Variants in TRAPPC11 observed in about 807,000 individuals in gnomAD.
TRAPPC11 encodes the protein trafficking protein particle complex subunit 11, also known as foie gras homolog.
Under a neutral mutation model 151.2 loss-of-function variants are expected in TRAPPC11, and 104 were observed. The observed-to-expected ratio is 0.69, with a 90% CI of 0.59 to 0.81. The LOEUF (loss-of-function observed/expected upper bound fraction) is 0.81, where lower values mean the gene tolerates loss of function less well. Ranked by LOEUF, TRAPPC11 falls within the 30% of genes least tolerant of loss-of-function variation. TRAPPC11 has a pLI of 0.00. For synonymous variants in TRAPPC11, 456 were observed against 472.3 expected, an observed-to-expected ratio of 0.97 and a Z score of 0.45; for missense variants, 1,230 against 1,349.6, an observed-to-expected ratio of 0.91 and a Z score of 1.39.
intron 26 of TRAPPC11, among the ~76,000 whole-genome samples, chr4:183,702,217 A>T: frequency 6.6e-6 from 1 of 152,052 alleles, no homozygotes; most frequent in Non-Finnish European, 1.5e-5. Context: ...GTTGATGCAC[A>T]TCTGCAGTCC....
rs1275308451 is a variant in TRAPPC11 at position 183,707,252 on chromosome 4, T to TTGTGTGTG, written c.3189+313_3189+314insGTGTGTGT. On this transcript the variant is annotated intron_variant, in intron 28 of 29. Coordinates refer to ENST00000334690, the MANE Select transcript of TRAPPC11 (RefSeq NM_021942.6). The stretch of plus-strand genomic sequence containing the variant: ...CCTTATTACTGATGAGTGTGTGTGT[T>TTGTGTGTG]TATGTGTGTGTGTGTGTGTGTGTGT... Among the ~76,000 whole-genome samples, 1,480 of 98,804 alleles carry TTGTGTGTG rather than the reference T, an allele frequency of 0.015. 28 individuals carry two copies. Among genetic ancestry groups the TTGTGTGTG allele is most frequent in the African/African-American group, 0.065 (1,416 of 21,796 alleles). 64.8% of individuals were successfully genotyped at this position (98,804 alleles called of 152,430 possible). A position where few individuals can be genotyped will look rare whatever the true frequency, so the allele number is the denominator to read the frequency against.
At chr4:183,704,180 A>C (rs1216005554) in intron 26 of TRAPPC11, among the ~76,000 whole-genome samples, 2 of 152,232 alleles carry the variant, frequency 1.3e-5, no homozygotes, top group Non-Finnish European at 2.9e-5. Flanking sequence ...AAATACTCAG[A>C]AGTGTGATTT....
chr4:183,661,681 T>G (rs1259466194), intron 1 of TRAPPC11, among the ~76,000 whole-genome samples: 8 of 151,926 alleles, frequency 5.3e-5, no homozygotes, highest in Non-Finnish European at 1.0e-4. Context: ...AGATTACCTT[T>G]TAAAAGAGCC....
chr4:183,693,749 T>A lies in TRAPPC11; in HGVS notation c.2386+12T>A. 6.2e-7 allele frequency: 1 copy of A among 1,612,054 alleles called. No individual in the cohort carries two copies. The highest frequency in any genetic ancestry group is 1.7e-5 in the Admixed American group (1 of 59,604). The stretch of plus-strand genomic sequence containing the variant: ...TGGCTTAAAACCAGGTAAGCATTCC[T>A]TTTTGTAAGTTTGATCAGTATTAAT... On this transcript the variant is annotated intron_variant, in intron 21 of 29. Transcript: ENST00000334690.
intron 25 of TRAPPC11, 52 bp from the exon 26 acceptor site, chr4:183,701,645 C>T: frequency 8.0e-7 from 1 of 1,256,264 alleles, no homozygotes; most frequent in East Asian, 2.3e-5. Flanking sequence ...GTGAAACTCT[C>T]CTTTTGTAGA....
In TRAPPC11 at chr4:183,701,682, G is replaced by C; in HGVS notation, c.2852-15G>C. The C allele has an allele frequency of 6.4e-7, 1 of 1,567,584 alleles. No homozygotes were observed. Among genetic ancestry groups the C allele is most frequent in the Non-Finnish European group, 8.8e-7 (1 of 1,137,730 alleles). ...GAAACCATTGCATAAGGAATATAAA[G>C]ACTTTTCCCTGTAGTTATCTTACAG... On this transcript the variant is annotated splice_polypyrimidine_tract_variant and intron_variant, in intron 25 of 29. Coordinates refer to ENST00000334690, the MANE Select transcript of TRAPPC11 (RefSeq NM_021942.6).
intron 5 of TRAPPC11, among the ~76,000 whole-genome samples, chr4:183,671,620 C>T (rs1016410124): frequency 2.1e-4 from 32 of 152,170 alleles, no homozygotes; most frequent in Non-Finnish European, 4.1e-4. Flanking sequence ...TTACAAAATT[C>T]GGGAACACCC....
intron 23 of TRAPPC11, 118 bp from the exon 24 acceptor site, chr4:183,697,385 A>C: frequency 1.1e-6 from 1 of 920,564 alleles, no homozygotes; most frequent in Non-Finnish European, 1.6e-6. Context: ...AAAGGCCTTT[A>C]CTTCTTAGTA....
In TRAPPC11 at chr4:183,706,797, T is replaced by G; in HGVS notation, c.3056-10T>G. On this transcript the variant is annotated splice_polypyrimidine_tract_variant and intron_variant, in intron 27 of 29. Transcript: ENST00000334690. ...TTAAACCAAGAGAAGTGTGTCATCT[T>G]TCTCTGTAGATCTGCCGTCATTTGG... The G allele has an allele frequency of 6.2e-7, 1 of 1,607,128 alleles. No individual in the cohort carries two copies. The highest frequency in any genetic ancestry group is 8.5e-7 in the Non-Finnish European group (1 of 1,175,610).
At chr4:183,663,266 C>T (rs935827721) in intron 1 of TRAPPC11, among the ~76,000 whole-genome samples, 5 of 152,144 alleles carry the variant, frequency 3.3e-5, no homozygotes, top group Admixed American at 1.3e-4. Context: ...CAGAGTCTCC[C>T]TCTGTCATCC....
chr4:183,684,584 C>T, intron 14 of TRAPPC11, 112 bp from the exon 15 acceptor site: 1 of 1,213,904 alleles, frequency 8.2e-7, no homozygotes, highest in South Asian at 1.5e-5. Flanking sequence ...TCAACCATCT[C>T]AGTAAGATTT....
At chr4:183,698,148 A>G (rs1260796107) in intron 25 of TRAPPC11, among the ~76,000 whole-genome samples, 1 of 152,080 alleles carries the variant, frequency 6.6e-6, no homozygotes, top group Non-Finnish European at 1.5e-5. Flanking sequence ...TTTTCTCATT[A>G]ACTCTTAATG....
chr4:183,688,082 T>C (rs1377863769), intron 18 of TRAPPC11, among the ~76,000 whole-genome samples: 2 of 152,174 alleles, frequency 1.3e-5, no homozygotes, highest in Non-Finnish European at 2.9e-5. Flanking sequence ...CCAACAAGCA[T>C]TTATTGAGAG....
In TRAPPC11 at chr4:183,695,139, G is replaced by A. The variant is rs977932538; in HGVS notation, c.2628+416G>A. On this transcript the variant is annotated intron_variant, in intron 23 of 29. Transcript: ENST00000334690. ...AATTTTTTGTATTTTTAGTAGATAC[G>A]GGGTTTCTCCATGTTGGTCAGGCTG... Among the ~76,000 whole-genome samples the A allele has an allele frequency of 5.3e-5, 8 of 151,738 alleles. No individual in the cohort carries two copies. In the South Asian group the frequency reaches 8.3e-4, roughly 16 times the overall value.
chr4:183,666,784 GAAGT>G (rs1734906324), intron 3 of TRAPPC11: 5 of 431,160 alleles, frequency 1.2e-5, no homozygotes, highest in Non-Finnish European at 2.1e-5. Context: ...TCACCATAAA[GAAGT>G]AAGTTGCATT....
intron 22 of TRAPPC11, 135 bp from the exon 23 acceptor site, chr4:183,694,469 C>T: frequency 3.4e-6 from 3 of 893,452 alleles, no homozygotes; most frequent in Non-Finnish European, 5.2e-6. Flanking sequence ...TACATTGTAA[C>T]ATTCTGTAAA....
Position 183,674,716 on chromosome 4 carries a change from G to A in TRAPPC11, c.564G>A (p.Leu188=), listed in dbSNP as rs377678506. 1 of 1,527,286 alleles carries A rather than the reference G, an allele frequency of 6.5e-7. No individual in the cohort carries two copies. The highest frequency in any genetic ancestry group is 1.3e-5 in the South Asian group (1 of 77,174). The allele number at this position is 1,527,286 out of a possible 1,614,324, so 94.6% of individuals were successfully genotyped here. The change falls in exon 6 of 30, where the codon TTG becomes TTA. Residue 188 remains leucine (L), a synonymous_variant. Coordinates refer to ENST00000334690, the MANE Select transcript of TRAPPC11 (RefSeq NM_021942.6). ...TGTTTGTTTTTGTTTTTTACAGATT[G>A]GAAAATGCCTTTTATGAACATGCAC... ...TDHLVGYIIR[L]ENAFYEHAQT... is the part of the protein sequence containing the mutation.
chr4:183,666,562 C>A, intron 3 of TRAPPC11, 136 bp downstream of exon 3: 1 of 780,464 alleles, frequency 1.3e-6, no homozygotes, highest in South Asian at 2.2e-5. Flanking sequence ...ATCTTGTTCA[C>A]TTCCTCACAG....
At chr4:183,661,994 G>A (rs904871582) in intron 1 of TRAPPC11, among the ~76,000 whole-genome samples, 1 of 151,754 alleles carries the variant, frequency 6.6e-6, no homozygotes, top group African/African-American at 2.4e-5. Context: ...TGAACTCCTG[G>A]CCTCAACAAT....
Sources: gnomAD v4.1 joint callset for allele counts (sites outside exome capture counted in the v4.1 genomes callset) on GRCh38, gnomAD v4.1.1 for gene constraint, MANE v1.5 for transcripts, NCBI Gene and HGNC (gene_info 2026-07-23, HGNC 2026-07-21) for gene names.